The following AGMO variants were observed in gnomAD, a reference collection of about 807,000 sequenced individuals.
AGMO encodes alkylglycerol monooxygenase, also known as glyceryl-ether monooxygenase.
Under a neutral mutation model 60.2 loss-of-function variants are expected in AGMO, and 75 were observed. The observed-to-expected ratio is 1.25, with a 90% confidence interval of 1.03 to 1.51. The LOEUF (loss-of-function observed/expected upper bound fraction) is 1.51, where lower values mean the gene tolerates loss of function less well. AGMO is among the 40% of genes most tolerant of loss of function. The probability of loss-of-function intolerance (pLI) is 0.00; values close to 1 mark genes in which losing one functional copy is unlikely to be tolerated. For missense variants in AGMO, 763 were observed against 525.5 expected (o/e 1.45, Z -4.42); for synonymous variants, 261 against 177.1 (o/e 1.47, Z -3.76).
intron 3 of AGMO, among the ~76,000 whole-genome samples, chr7:15,437,099 T>C (rs1781423478): frequency 6.6e-6 from 1 of 152,166 alleles, no homozygotes; most frequent in Non-Finnish European, 1.5e-5. Flanking sequence ...GAAATAAAAT[T>C]AGTAACAGAC....
Position 15,390,800 on chromosome 7 carries a change from G to A in AGMO, c.742+40C>T, listed in dbSNP as rs569794941. The A allele has an allele frequency of 5.7e-6, 9 of 1,582,150 alleles. No homozygotes were observed. The African/African-American group carries it at 6.7e-5, about 12-fold the overall frequency. ...AGATTTGGCTTCCTGTAAAGTAAAG[G>A]AGCTGATTTAATTTTTTGATTTTAA... On this transcript the variant is annotated intron_variant, in intron 7 of 12. Transcript: ENST00000342526.
At chr7:15,314,992 G>C (rs1329601917) in intron 12 of AGMO, among the ~76,000 whole-genome samples, 2 of 152,122 alleles carry the variant, frequency 1.3e-5, no homozygotes, top group African/African-American at 4.8e-5. Flanking sequence ...ACATGTTTTA[G>C]AGATAATACT....
the AGMO span, among the ~76,000 whole-genome samples, chr7:15,170,295 C>T: frequency 1.2e-4 from 19 of 152,206 alleles, 1 homozygote; most frequent in Non-Finnish European, 2.4e-4. Context: ...TTGTTTATTG[C>T]GTGCTATTTC....
intron 12 of AGMO, among the ~76,000 whole-genome samples, chr7:15,352,515 G>C (rs1051901371): frequency 6.6e-6 from 1 of 151,420 alleles, no homozygotes; most frequent in East Asian, 1.9e-4. Context: ...AGAGGGAACT[G>C]GGCGTTTGGG....
chr7:15,233,734 G>A (rs978021412), intron 12 of AGMO, among the ~76,000 whole-genome samples: 2 of 152,140 alleles, frequency 1.3e-5, no homozygotes, highest in Non-Finnish European at 2.9e-5. Flanking sequence ...TGATTCTGGT[G>A]AAACGTAAGA....
At chr7:15,184,511 A>T in the AGMO span, among the ~76,000 whole-genome samples, 1 of 132,726 alleles carries the variant, frequency 7.5e-6, no homozygotes, top group African/African-American at 2.9e-5. Context: ...GAATAGAAGG[A>T]AGGAAGGGAG....
intron 12 of AGMO, among the ~76,000 whole-genome samples, chr7:15,354,470 ATACACACGTGTGTATATACACACGTG>A (rs1563105825): frequency 2.5e-4 from 7 of 27,638 alleles, no homozygotes; most frequent in Admixed American, 1.7e-3. Context: ...ACGTGTGTGT[ATACACACGTGTGTATATACACACGTG>A]TATATATATA....
chr7:15,481,789 A>ATTTTTTTTTTTTTTTTT (rs5882513), intron 3 of AGMO, among the ~76,000 whole-genome samples: 1 of 98,706 alleles, frequency 1.0e-5, no homozygotes, highest in African/African-American at 3.7e-5. Context: ...GACTAAATGT[A>ATTTTTTTTTTTTTTTTT]TTTTTTTTTT....
chr7:15,487,530 C>A (rs1056599433), intron 3 of AGMO, among the ~76,000 whole-genome samples: 37 of 152,052 alleles, frequency 2.4e-4, no homozygotes, highest in African/African-American at 8.9e-4. Flanking sequence ...TATCAGGTAT[C>A]ATGTTTTGTT....
chr7:15,229,245 A>C (rs1360799723), intron 12 of AGMO, among the ~76,000 whole-genome samples: 2 of 152,050 alleles, frequency 1.3e-5, no homozygotes, highest in East Asian at 3.9e-4. Flanking sequence ...TTTCATTGAT[A>C]ATTTTATCAT....
chr7:15,266,125 CAG>C (rs1783424501), intron 12 of AGMO, among the ~76,000 whole-genome samples: 1 of 151,844 alleles, frequency 6.6e-6, no homozygotes. Context: ...GACAGGGGAT[CAG>C]GGGAGAAGGA....
At chr7:15,276,239 C>T (rs180867828) in intron 12 of AGMO, among the ~76,000 whole-genome samples, 507 of 152,280 alleles carry the variant, frequency 3.3e-3, no homozygotes, top group African/African-American at 0.011. Context: ...GTGACAAATA[C>T]CCTTAGCATT....
chr7:15,323,729 G>C (rs571674341), intron 12 of AGMO, among the ~76,000 whole-genome samples: 2 of 152,312 alleles, frequency 1.3e-5, no homozygotes, highest in Admixed American at 6.5e-5. Flanking sequence ...CTGACTCTGG[G>C]CTTCAGAGCA....
chr7:15,403,113 A>G (rs1278063926), intron 5 of AGMO, among the ~76,000 whole-genome samples: 1 of 151,938 alleles, frequency 6.6e-6, no homozygotes, highest in African/African-American at 2.4e-5. Context: ...TTCAATTACT[A>G]TTTCGCAGTA....
At chr7:15,516,216 G>C (rs1333325294) in intron 3 of AGMO, among the ~76,000 whole-genome samples, 2 of 151,976 alleles carry the variant, frequency 1.3e-5, no homozygotes, top group Non-Finnish European at 2.9e-5. Flanking sequence ...CAACAATAAA[G>C]ATTGCTCATA....
chr7:15,222,907 C>T (rs6961329), intron 12 of AGMO, among the ~76,000 whole-genome samples: 31,135 of 151,732 alleles, frequency 0.21, 5,356 homozygotes, highest in African/African-American at 0.47. Context: ...ACGTAGTTAA[C>T]ATTAATATAA....
At chr7:15,346,441 G>A (rs1025336884) in intron 12 of AGMO, among the ~76,000 whole-genome samples, 2 of 151,796 alleles carry the variant, frequency 1.3e-5, no homozygotes, top group African/African-American at 4.8e-5. Flanking sequence ...CGTGTTTTGT[G>A]CTTAGGATTT....
At chr7:15,352,284 AT>A (rs1782269376) in intron 12 of AGMO, among the ~76,000 whole-genome samples, 1 of 152,088 alleles carries the variant, frequency 6.6e-6, no homozygotes, top group African/African-American at 2.4e-5. Context: ...TGTCCTGCCT[AT>A]TTAAAAAATT....
chr7:15,474,017 G>A (rs1403477443), intron 3 of AGMO, among the ~76,000 whole-genome samples: 1 of 152,018 alleles, frequency 6.6e-6, no homozygotes, highest in African/African-American at 2.4e-5. Context: ...CCTCTTCAAG[G>A]AGAACTACAA....
Sources: gnomAD v4.1 joint callset for allele counts (sites outside exome capture counted in the v4.1 genomes callset) on GRCh38, gnomAD v4.1.1 for gene constraint, MANE v1.5 for transcripts, NCBI Gene and HGNC (gene_info 2026-07-23, HGNC 2026-07-21) for gene names.